The following GOPC variants were observed in gnomAD, a reference collection of about 807,000 sequenced individuals.
The protein encoded by GOPC is golgi associated PDZ and coiled-coil motif containing.
In GOPC, 32 loss-of-function variants were observed where a neutral mutation model predicts 51.2. The observed-to-expected ratio is 0.63, with a 90% CI of 0.47 to 0.84. GOPC has a LOEUF of 0.84. GOPC is among the 40% of genes least tolerant of loss of function. The probability of loss-of-function intolerance (pLI) is 0.00; values close to 1 mark genes in which losing one functional copy is unlikely to be tolerated. For missense variants in GOPC, 441 were observed against 555.5 expected (o/e 0.79, Z 2.07); for synonymous variants, 190 against 205.1 (o/e 0.93, Z 0.63).
intron 1 of GOPC, among the ~76,000 whole-genome samples, chr6:117,596,279 T>C (rs762106047): frequency 8.5e-5 from 13 of 152,202 alleles, no homozygotes; most frequent in Non-Finnish European, 7.3e-5. Context: ...GAGTTCCTTG[T>C]AGAGTCTGGA....
At chr6:117,588,613 C>G (rs1780067688) in intron 1 of GOPC, among the ~76,000 whole-genome samples, 1 of 151,934 alleles carries the variant, frequency 6.6e-6, no homozygotes, top group Non-Finnish European at 1.5e-5. Flanking sequence ...TAAAACAATG[C>G]TATTCTTCTA....
chr6:117,565,698 A>C (rs1779682464), intron 8 of GOPC, among the ~76,000 whole-genome samples: 1 of 152,190 alleles, frequency 6.6e-6, no homozygotes, highest in South Asian at 2.1e-4. Flanking sequence ...ACAAAGTTCT[A>C]ACTTTCACTT....
At chr6:117,591,853 A>G (rs1780122650) in intron 1 of GOPC, among the ~76,000 whole-genome samples, 2 of 152,206 alleles carry the variant, frequency 1.3e-5, no homozygotes, top group African/African-American at 2.4e-5. Context: ...AATACAAACC[A>G]CTAGTATGAA....
chr6:117,599,161 T>C (rs1250758177), intron 1 of GOPC, among the ~76,000 whole-genome samples: 1 of 152,148 alleles, frequency 6.6e-6, no homozygotes, highest in African/African-American at 2.4e-5. Context: ...ATTACCCAAA[T>C]TGGAGGTATC....
chr6:117,587,856 G>A (rs933936611), intron 1 of GOPC, among the ~76,000 whole-genome samples: 9 of 151,646 alleles, frequency 5.9e-5, no homozygotes, highest in Non-Finnish European at 4.4e-5. Context: ...TGTAGTTTTT[G>A]TCACTGTTGA....
chr6:117,597,310 A>G (rs1164147911), intron 1 of GOPC, among the ~76,000 whole-genome samples: 1 of 152,170 alleles, frequency 6.6e-6, no homozygotes, highest in Non-Finnish European at 1.5e-5. Flanking sequence ...CTTTGTAGGT[A>G]TACTATCATG....
intron 2 of GOPC, 91 bp from the exon 3 acceptor site, chr6:117,577,562 C>T: frequency 1.0e-6 from 1 of 966,428 alleles, no homozygotes; most frequent in Non-Finnish European, 1.6e-6. Context: ...AAAAATCCCA[C>T]ATGTTGGATA....
At chr6:117,575,614 A>G (rs1245792152) in intron 3 of GOPC, 4 of 619,630 alleles carry the variant, frequency 6.5e-6, no homozygotes, top group Non-Finnish European at 1.2e-5. Flanking sequence ...ATGTTATCAC[A>G]TATTAGTAAA....
At chr6:117,564,533 A>C (rs576348154) in intron 8 of GOPC, among the ~76,000 whole-genome samples, 1 of 152,330 alleles carries the variant, frequency 6.6e-6, no homozygotes, top group South Asian at 2.1e-4. Context: ...AGTGTTGACT[A>C]TATCACCTAT....
At chr6:117,577,653 T>C (rs1779901971) in intron 2 of GOPC, among the ~76,000 whole-genome samples, 182 bp from the exon 3 acceptor site, 1 of 152,064 alleles carries the variant, frequency 6.6e-6, no homozygotes, top group African/African-American at 2.4e-5. Context: ...GATTAAAACT[T>C]TTTGTTTTAT....
intron 4 of GOPC, among the ~76,000 whole-genome samples, chr6:117,574,168 T>C (rs921845886): frequency 6.6e-6 from 1 of 151,896 alleles, no homozygotes; most frequent in African/African-American, 2.4e-5. Flanking sequence ...GGAGGATCAC[T>C]TGAGCCTGAA....
At chr6:117,592,594 G>A (rs895101594) in intron 1 of GOPC, among the ~76,000 whole-genome samples, 2 of 152,044 alleles carry the variant, frequency 1.3e-5, no homozygotes, top group African/African-American at 4.8e-5. Flanking sequence ...CTTCTTCTCT[G>A]TGTCTGTGTG....
chr6:117,590,252 G>C (rs1218648089), intron 1 of GOPC, among the ~76,000 whole-genome samples: 2 of 152,174 alleles, frequency 1.3e-5, no homozygotes, highest in East Asian at 1.9e-4. Flanking sequence ...ATGGATTCTA[G>C]AAGTTTTCTA....
chr6:117,589,625 G>GTT (rs57705953), intron 1 of GOPC, among the ~76,000 whole-genome samples: 2 of 149,810 alleles, frequency 1.3e-5, no homozygotes, highest in African/African-American at 2.4e-5. Context: ...CAGCCCTAAT[G>GTT]TTTTTTTTTT....
intron 6 of GOPC, 40 bp downstream of exon 6, chr6:117,570,818 TAG>T: frequency 1.1e-6 from 1 of 885,982 alleles, no homozygotes. Flanking sequence ...ATGATTATAC[TAG>T]ATAACTGTAG....
chr6:117,577,385 A>C, intron 3 of GOPC, 63 bp downstream of exon 3: 1 of 1,409,234 alleles, frequency 7.1e-7, no homozygotes, highest in South Asian at 1.3e-5. Context: ...TATAATATGC[A>C]AATAAAACAC....
At position 117,562,934 on chromosome 6, in the gene GOPC, G is replaced by T. The variant is rs1202787119; in HGVS notation, c.*320C>A. The T allele has an allele frequency of 1.1e-5, 3 of 282,984 alleles. No individual in the cohort carries two copies. The highest frequency in any genetic ancestry group is 2.0e-5 in the Non-Finnish European group (3 of 149,434). The allele number at this position is 282,984 out of a possible 1,614,324, so 17.5% of individuals were successfully genotyped here. A position where few individuals can be genotyped will look rare whatever the true frequency, so the allele number is the denominator to read the frequency against. ...CAGTTAGCACTGTCCTCCTACTAAA[G>T]GGAAAAGGAACCAAGTAAAACAGTA... On this transcript the variant is annotated 3_prime_UTR_variant, in exon 9 of 9. Coordinates refer to ENST00000368498, the MANE Select transcript of GOPC (RefSeq NM_020399.4).
At chr6:117,597,655 T>C (rs1203753681) in intron 1 of GOPC, among the ~76,000 whole-genome samples, 1 of 152,192 alleles carries the variant, frequency 6.6e-6, no homozygotes, top group Non-Finnish European at 1.5e-5. Flanking sequence ...TCTCCTCAGA[T>C]ATGACTCTTC....
At position 117,560,760 on chromosome 6, in the gene GOPC, T is replaced by A. The variant is rs997144803; in HGVS notation, c.*2494A>T. 4 of 207,630 alleles carry A rather than the reference T, an allele frequency of 1.9e-5. No homozygotes were observed. The highest frequency in any genetic ancestry group is 9.1e-5 in the African/African-American group (4 of 43,982). The allele number at this position is 207,630 out of a possible 1,614,324, so 12.9% of individuals were successfully genotyped here. A position where few individuals can be genotyped will look rare whatever the true frequency, so the allele number is the denominator to read the frequency against. On this transcript the variant is annotated 3_prime_UTR_variant, in exon 9 of 9. Coordinates refer to ENST00000368498, the MANE Select transcript of GOPC (RefSeq NM_020399.4). ...AAGTGTAAATATATACACGCACACA[T>A]ACAACCCTCACATTTTATTAAAACG... is the stretch of plus-strand genomic sequence containing the variant.
Sources: allele counts gnomAD v4.1 joint callset (sites outside exome capture counted in the v4.1 genomes callset), GRCh38; gene constraint gnomAD v4.1.1; transcripts MANE v1.5; gene names NCBI Gene and HGNC (gene_info 2026-07-23, HGNC 2026-07-21).